PPP4R2: variants seen among roughly 807,000 people sequenced by gnomAD.
PPP4R2 encodes the protein protein phosphatase 4 regulatory subunit 2, also known as serine/threonine-protein phosphatase 4 regulatory subunit 2.
In PPP4R2, 13 loss-of-function variants were observed where a neutral mutation model predicts 47.2. The observed-to-expected ratio is 0.28, with a 90% CI of 0.18 to 0.44. PPP4R2 has a LOEUF of 0.44. PPP4R2 is among the 20% of genes least tolerant of loss of function. PPP4R2 has a pLI of 1.00. For synonymous variants in PPP4R2, 151 were observed against 163.3 expected, an observed-to-expected ratio of 0.92 and a Z score of 0.57; for missense variants, 421 against 491.2, an observed-to-expected ratio of 0.86 and a Z score of 1.35.
intron 4 of PPP4R2, 125 bp from the exon 5 acceptor site, chr3:73,060,898 C>A (rs2107338344): frequency 1.8e-6 from 1 of 555,556 alleles, no homozygotes; most frequent in Non-Finnish European, 3.0e-6. Context: ...AACCATTTTC[C>A]TTTACTAGCA....
At chr3:73,063,652 G>A (rs777763723) in intron 5 of PPP4R2, 21 bp from the exon 6 acceptor site, 8 of 1,426,364 alleles carry the variant, frequency 5.6e-6, no homozygotes, top group Admixed American at 1.7e-5. Context: ...TCATCCACAA[G>A]TGTATTTTCT....
chr3:72,999,402 A>C (rs1447723075), intron 2 of PPP4R2, among the ~76,000 whole-genome samples: 2 of 152,194 alleles, frequency 1.3e-5, no homozygotes, highest in East Asian at 3.8e-4. Flanking sequence ...CTAAAACATA[A>C]ATGCTTAGAC....
chr3:72,998,133 C>T lies in PPP4R2; in HGVS notation c.91C>T (p.His31Tyr), dbSNP rs1391376258. 8.7e-6 allele frequency: 14 copies of T among 1,608,076 alleles called. No individual in the cohort carries two copies. The highest frequency in any genetic ancestry group is 4.0e-5 in the African/African-American group (3 of 74,428). Reference sequence around the variant, plus strand: ...TCCTGTCCTGGATCAGTTTCTTTGTCATGTAGCCAAGACTGGAGAAACAAT... The same window carrying T: ...TCCTGTCCTGGATCAGTTTCTTTGTTATGTAGCCAAGACTGGAGAAACAAT... Reference protein sequence around the residue: ...VCPVLDQFLCHVAKTGETMIQ... With the variant: ...VCPVLDQFLCYVAKTGETMIQ... Residue 31 changes from histidine (H) to tyrosine (Y), a missense_variant, in exon 2 of 9, where the codon CAT becomes TAT. By Grantham distance (83) the His-to-Tyr change is moderately conservative. Transcript: ENST00000356692.
chr3:73,057,786 A>G (rs1206684297), intron 3 of PPP4R2, among the ~76,000 whole-genome samples: 2 of 152,238 alleles, frequency 1.3e-5, no homozygotes, highest in Middle Eastern at 3.4e-3. Context: ...AATGGAAAGG[A>G]CATGAGATTT....
At chr3:73,029,512 T>A (rs1319602775) in intron 2 of PPP4R2, among the ~76,000 whole-genome samples, 1 of 152,258 alleles carries the variant, frequency 6.6e-6, no homozygotes, top group African/African-American at 2.4e-5. Context: ...AAGGAGTCAG[T>A]AGTGACTCAG....
At chr3:73,003,200 A>G (rs1160452913) in intron 2 of PPP4R2, among the ~76,000 whole-genome samples, 1 of 145,476 alleles carries the variant, frequency 6.9e-6, no homozygotes, top group East Asian at 2.0e-4. Flanking sequence ...TATTGCTATT[A>G]CGTAACTTTC....
intron 2 of PPP4R2, among the ~76,000 whole-genome samples, chr3:73,018,814 A>AAT (rs1323337283): frequency 4.6e-5 from 7 of 152,140 alleles, no homozygotes; most frequent in African/African-American, 1.7e-4. Flanking sequence ...CCCCCATTCA[A>AAT]ATATATATTA....
At chr3:73,053,469 A>C (rs191173177) in intron 3 of PPP4R2, among the ~76,000 whole-genome samples, 76 of 152,296 alleles carry the variant, frequency 5.0e-4, no homozygotes, top group Non-Finnish European at 8.8e-5. Context: ...ATTTGATGCA[A>C]ATAAAATAAC....
chr3:73,020,023 A>G (rs572620316), intron 2 of PPP4R2, among the ~76,000 whole-genome samples: 93 of 152,258 alleles, frequency 6.1e-4, no homozygotes, highest in African/African-American at 2.1e-3. Flanking sequence ...ATATGTCACG[A>G]TTTCTTCAAA....
intron 7 of PPP4R2, 119 bp from the exon 8 acceptor site, chr3:73,064,733 T>G: frequency 1.2e-6 from 1 of 842,218 alleles, no homozygotes; most frequent in Non-Finnish European, 1.9e-6. Flanking sequence ...TTTGTTCAGG[T>G]GTTATAATTT....
intron 3 of PPP4R2, among the ~76,000 whole-genome samples, chr3:73,052,036 G>A (rs1212622836): frequency 6.6e-6 from 1 of 152,102 alleles, no homozygotes; most frequent in Non-Finnish European, 1.5e-5. Context: ...TCCAAACAAG[G>A]CCTAGAAGAG....
chr3:73,061,210 A>AGT, intron 5 of PPP4R2, 150 bp downstream of exon 5: 1 of 369,008 alleles, frequency 2.7e-6, no homozygotes, highest in Non-Finnish European at 4.7e-6. Context: ...CAGTCCCCAA[A>AGT]GTAGAATATT....
At chr3:73,019,224 A>G (rs141970264) in intron 2 of PPP4R2, among the ~76,000 whole-genome samples, 6 of 152,268 alleles carry the variant, frequency 3.9e-5, no homozygotes, top group African/African-American at 1.4e-4. Flanking sequence ...AGACTATACC[A>G]TGTGGGTTTG....
At chr3:73,002,265 A>G (rs969634841) in intron 2 of PPP4R2, among the ~76,000 whole-genome samples, 2 of 152,190 alleles carry the variant, frequency 1.3e-5, no homozygotes, top group East Asian at 1.9e-4. Context: ...AAAAAAATGT[A>G]TTTTTGAGGC....
At chr3:73,007,603 C>G (rs1701638458) in intron 2 of PPP4R2, among the ~76,000 whole-genome samples, 2 of 151,978 alleles carry the variant, frequency 1.3e-5, no homozygotes, top group Admixed American at 1.3e-4. Flanking sequence ...ATTCTCCTGC[C>G]TCAGCCTCCC....
At chr3:73,043,831 A>C (rs1037514879) in intron 2 of PPP4R2, among the ~76,000 whole-genome samples, 4 of 152,222 alleles carry the variant, frequency 2.6e-5, no homozygotes, top group Admixed American at 1.3e-4. Flanking sequence ...CTCACGATGT[A>C]TGTTACCATC....
At chr3:73,047,126 T>C in intron 2 of PPP4R2, 60 bp from the exon 3 acceptor site, 1 of 954,086 alleles carries the variant, frequency 1.0e-6, no homozygotes, top group Non-Finnish European at 1.5e-6. Flanking sequence ...TATTTGTGTT[T>C]TGTGTTCAAG....
chr3:73,028,387 A>C (rs973533964), intron 2 of PPP4R2, among the ~76,000 whole-genome samples: 4 of 151,760 alleles, frequency 2.6e-5, no homozygotes, highest in Non-Finnish European at 5.9e-5. Context: ...CTCATTTAGA[A>C]GGTGACATTT....
At chr3:73,062,513 T>A in intron 5 of PPP4R2, 1 of 1,613,830 alleles carries the variant, frequency 6.2e-7, no homozygotes, top group South Asian at 1.1e-5. Context: ...TGAGTGTTGG[T>A]GTGAGCAAGA....
Sources: gnomAD v4.1 joint callset for allele counts (sites outside exome capture counted in the v4.1 genomes callset) on GRCh38, gnomAD v4.1.1 for gene constraint, MANE v1.5 for transcripts, NCBI Gene and HGNC (gene_info 2026-07-23, HGNC 2026-07-21) for gene names.